Variants in PKHD1L1 observed in about 807,000 individuals in gnomAD.
PKHD1L1 encodes fibrocystin-L.
Under a neutral mutation model 462.9 loss-of-function variants are expected in PKHD1L1, and 434 were observed. That is an observed-to-expected ratio of 0.94 (90% CI 0.87 to 1.02). The LOEUF (loss-of-function observed/expected upper bound fraction) is 1.02. Ranked by LOEUF, PKHD1L1 falls within the 50% of genes least tolerant of loss-of-function variation. The pLI is 0.00. For missense variants in PKHD1L1, 5,202 were observed against 5,096.1 expected (o/e 1.02, Z -0.63); for synonymous variants, 1,781 against 1,750.0 (o/e 1.02, Z -0.44).
intron 59 of PKHD1L1, among the ~76,000 whole-genome samples, chr8:109,489,307 T>A (rs1818709602): frequency 6.6e-6 from 1 of 151,976 alleles, no homozygotes; most frequent in Non-Finnish European, 1.5e-5. Flanking sequence ...TAAAAGTTCC[T>A]AACCCACAGG....
intron 2 of PKHD1L1, among the ~76,000 whole-genome samples, chr8:109,372,242 G>A (rs1050455122): frequency 3.3e-5 from 5 of 152,072 alleles, no homozygotes; most frequent in Admixed American, 6.6e-5. Flanking sequence ...TTGGATTCCT[G>A]GGTATTTTAT....
intron 2 of PKHD1L1, among the ~76,000 whole-genome samples, chr8:109,380,312 T>TA (rs1331435105): frequency 6.6e-6 from 1 of 152,106 alleles, no homozygotes; most frequent in African/African-American, 2.4e-5. Flanking sequence ...AGGCCATGAG[T>TA]AGCTATGTGT....
chr8:109,391,640 A>G (rs1812717604), intron 9 of PKHD1L1, among the ~76,000 whole-genome samples: 1 of 152,178 alleles, frequency 6.6e-6, no homozygotes, highest in Non-Finnish European at 1.5e-5. Flanking sequence ...ACTCAATCCT[A>G]ATATAGCTAT....
chr8:109,410,774 G>T (rs1813815715), intron 19 of PKHD1L1, among the ~76,000 whole-genome samples: 1 of 86,814 alleles, frequency 1.2e-5, no homozygotes, highest in Non-Finnish European at 2.3e-5. Flanking sequence ...CTGTCTCCAG[G>T]CTGGAGTGCA....
At chr8:109,417,327 T>A (rs1214918955) in intron 21 of PKHD1L1, among the ~76,000 whole-genome samples, 2 of 152,038 alleles carry the variant, frequency 1.3e-5, no homozygotes, top group South Asian at 2.1e-4. Context: ...TATATACACC[T>A]AATATGTATC....
At chr8:109,411,237 A>G (rs191803615) in intron 19 of PKHD1L1, among the ~76,000 whole-genome samples, 31 of 152,298 alleles carry the variant, frequency 2.0e-4, no homozygotes, top group Admixed American at 2.0e-3. Context: ...GAGTAAAGGA[A>G]GAAAATTGAA....
chr8:109,495,027 A>T (rs1309573798), intron 63 of PKHD1L1, among the ~76,000 whole-genome samples: 2 of 151,914 alleles, frequency 1.3e-5, no homozygotes, highest in African/African-American at 4.8e-5. Flanking sequence ...TATATAGCAT[A>T]AATTTCACCT....
chr8:109,379,867 G>A (rs895169418), intron 2 of PKHD1L1, among the ~76,000 whole-genome samples: 8 of 152,116 alleles, frequency 5.3e-5, no homozygotes, highest in African/African-American at 1.9e-4. Flanking sequence ...TAAAGAAATA[G>A]GGTTGCTTTA....
intron 10 of PKHD1L1, among the ~76,000 whole-genome samples, chr8:109,394,774 G>C (rs1396855960): frequency 2.6e-5 from 4 of 152,162 alleles, no homozygotes; most frequent in Non-Finnish European, 1.5e-5. Flanking sequence ...TTGGTAGAGG[G>C]AGGGAAAAAA....
chr8:109,461,151 T>A (rs1183432537), intron 47 of PKHD1L1, among the ~76,000 whole-genome samples: 1 of 152,210 alleles, frequency 6.6e-6, no homozygotes, highest in Non-Finnish European at 1.5e-5. Flanking sequence ...ATTTTTTATG[T>A]AATCATTCAT....
At chr8:109,423,408 C>T (rs1046207590) in intron 23 of PKHD1L1, among the ~76,000 whole-genome samples, 1 of 152,104 alleles carries the variant, frequency 6.6e-6, no homozygotes, top group Non-Finnish European at 1.5e-5. Flanking sequence ...CATTTAATTA[C>T]ATTGGAACCT....
chr8:109,419,316 G>A, intron 22 of PKHD1L1, 56 bp downstream of exon 22: 8 of 1,369,998 alleles, frequency 5.8e-6, no homozygotes, highest in East Asian at 2.6e-5. Flanking sequence ...ATCTTACCAT[G>A]GAAATTATTT....
chr8:109,464,695 G>C lies in PKHD1L1; in HGVS notation c.7863G>C (p.Trp2621Cys). Residue 2621 changes from tryptophan (W) to cysteine (C), a missense_variant, in exon 49 of 78, where the codon TGG (tryptophan) becomes TGC (cysteine). This residue lies in a region of PKHD1L1 where 4,497 missense variants were observed against 4,336.8 expected (regional missense o/e 1.04). Coordinates refer to ENST00000378402, the MANE Select transcript of PKHD1L1 (RefSeq NM_177531.6). ...FFNNTVHSQG[W>C]FGMWIFEEYF... ...ACAATACTGTCCATTCTCAAGGTTG[G>C]TTTGGAATGTGGATCTTTGAGGAAT... 1 of 1,613,716 alleles carries C rather than the reference G, an allele frequency of 6.2e-7. No homozygotes were observed. The highest frequency in any genetic ancestry group is 8.5e-7 in the Non-Finnish European group (1 of 1,179,802).
intron 72 of PKHD1L1, among the ~76,000 whole-genome samples, chr8:109,516,441 A>G (rs1236151611): frequency 6.6e-6 from 1 of 152,004 alleles, no homozygotes; most frequent in Non-Finnish European, 1.5e-5. Context: ...GAAGGGCACT[A>G]ATTCCATCAT....
In PKHD1L1 at chr8:109,435,236, C is replaced by T. The variant is rs777201112; in HGVS notation, c.3387C>T (p.Ala1129=). 8.7e-6 allele frequency: 14 copies of T among 1,613,496 alleles called. No homozygotes were observed. Among genetic ancestry groups the T allele is most frequent in the South Asian group, 3.3e-5 (3 of 91,056 alleles). ...TTCTGAATGGAAGTGCTGGACATGC[C>T]CCCGTTGCTGTGTCCATGGCTGATG... is the stretch of plus-strand genomic sequence containing the variant. ...CQILNGSAGH[A]PVAVSMADVG... is the part of the protein sequence containing the mutation. The change falls in exon 29 of 78, where the codon GCC becomes GCT. Residue 1129 remains alanine, a synonymous_variant. Transcript: ENST00000378402.
intron 2 of PKHD1L1, among the ~76,000 whole-genome samples, chr8:109,372,917 T>C (rs1440743499): frequency 6.6e-6 from 1 of 152,226 alleles, no homozygotes; most frequent in Non-Finnish European, 1.5e-5. Context: ...CAGTATTTTA[T>C]TGAGGATTTT....
rs140472257 is a variant in PKHD1L1, at chr8:109,480,099, A to C, written c.9287A>C (p.Tyr3096Ser). 1.0e-3 allele frequency: 1,622 copies of C among 1,578,248 alleles called. 18 individuals are homozygous for C. In the African/African-American group the frequency reaches 0.017, roughly 17 times the overall value. Reference protein sequence around the residue: ...KYNVGAAESSYREVVLNATYI... With the variant: ...KYNVGAAESSSREVVLNATYI... ...AATGTAGGAGCTGCAGAATCTTCTT[A>C]CAGAGAAGTTGTTTTGAATGCTACC... The change falls in exon 55 of 78, where the codon TAC (tyrosine) becomes TCC (serine). Residue 3096 changes from tyrosine to serine, a missense_variant. Tyr to Ser is a moderately radical substitution (Grantham distance 144). Transcript: ENST00000378402.
chr8:109,382,269 G>T (rs534375212), intron 3 of PKHD1L1, among the ~76,000 whole-genome samples, 194 bp from the exon 4 acceptor site: 2 of 152,258 alleles, frequency 1.3e-5, no homozygotes, highest in African/African-American at 2.4e-5. Flanking sequence ...CATGAGGTTA[G>T]AGTTTGCAAT....
intron 14 of PKHD1L1, among the ~76,000 whole-genome samples, chr8:109,403,014 C>T (rs536708154): frequency 6.6e-6 from 1 of 152,174 alleles, no homozygotes; most frequent in Admixed American, 6.5e-5. Context: ...TGATTAATCC[C>T]TACTGCAATT....
Sources: gnomAD v4.1 joint callset for allele counts (sites outside exome capture counted in the v4.1 genomes callset) on GRCh38, gnomAD v4.1.1 for gene constraint, gnomAD v4.1.1 regional missense constraint, MANE v1.5 for transcripts, NCBI Gene and HGNC (gene_info 2026-07-23, HGNC 2026-07-21) for gene names.